The following MRPL28 variants were observed in gnomAD, a reference collection of about 807,000 sequenced individuals.
MRPL28 encodes the protein mitochondrial ribosomal protein L28, also known as large ribosomal subunit protein bL28m.
MRPL28 carries 25 observed loss-of-function variants against 26.2 expected under a neutral mutation model. The observed-to-expected ratio is 0.95, with a 90% CI of 0.69 to 1.33. The LOEUF (loss-of-function observed/expected upper bound fraction) is 1.33. MRPL28 is among the 40% of genes most tolerant of loss of function. The pLI is 0.00. For missense variants in MRPL28, 432 were observed against 327.2 expected, an observed-to-expected ratio of 1.32 and a Z score of -2.47; for synonymous variants, 227 against 140.1, an observed-to-expected ratio of 1.62 and a Z score of -4.38.
intron 2 of MRPL28, 76 bp from the exon 3 acceptor site, chr16:369,296 C>T: frequency 6.5e-7 from 1 of 1,543,672 alleles, no homozygotes; most frequent in Non-Finnish European, 8.8e-7. Flanking sequence ...CAACTGCCCT[C>T]ACCTCCCCCC....
chr16:368,316 TCA>T lies in MRPL28; in HGVS notation c.663+10_663+11del, dbSNP rs1323305674. 5 of 1,612,900 alleles carry T rather than the reference TCA, an allele frequency of 3.1e-6. No individual in the cohort carries two copies. The South Asian group carries it at 3.3e-5, about 11-fold the overall frequency. Reference sequence around the variant, plus strand: ...CTGGGCAGGCAGCATCGGCTGGTGCTCACACACTCACCTTCTCCTCCAAAAGT... The same window carrying T: ...CTGGGCAGGCAGCATCGGCTGGTGCTCACACTCACCTTCTCCTCCAAAAGT... On this transcript the variant is annotated intron_variant, in intron 5 of 5. Transcript: ENST00000199706.
intron 5 of MRPL28, 26 bp downstream of exon 5, chr16:368,302 G>A (rs1297849552): frequency 1.2e-6 from 2 of 1,610,542 alleles, no homozygotes; most frequent in African/African-American, 2.7e-5. Context: ...TGGGCAGGCA[G>A]CATCGGCTGG....
chr16:367,435 C>A lies in MRPL28; in HGVS notation c.*240G>T, dbSNP rs1202056525. The stretch of plus-strand genomic sequence containing the variant: ...TTACTCGCTCCCGGCCCCACGGGCA[C>A]AAGGAACACTGCCGCAAACGTCGGG... On this transcript the variant is annotated 3_prime_UTR_variant, in exon 6 of 6. Transcript: ENST00000199706. 1 of 714,426 alleles carries A rather than the reference C, an allele frequency of 1.4e-6. No individual in the cohort carries two copies. Among genetic ancestry groups the A allele is most frequent in the Non-Finnish European group, 2.6e-6 (1 of 382,972 alleles). The allele number at this position is 714,426 out of a possible 1,614,324, so 44.3% of individuals were successfully genotyped here. A position where few individuals can be genotyped will look rare whatever the true frequency, so the allele number is the denominator to read the frequency against.
At chr16:369,610 C>T in intron 2 of MRPL28, 1 of 716,880 alleles carries the variant, frequency 1.4e-6, no homozygotes, top group Non-Finnish European at 2.6e-6. Flanking sequence ...GCTCTGCTCG[C>T]CTCCCCCACC....
Position 369,062 on chromosome 16 carries a change from G to A in MRPL28, c.441+6C>T, listed in dbSNP as rs760887561. ...TGTGTGCACTGACTCGCCCCACCCC[G>A]CTTGCCTTGAGGATGTAAAAGTCGA... is the stretch of plus-strand genomic sequence containing the variant. On this transcript the variant is annotated splice_donor_region_variant and intron_variant, in intron 3 of 5. Transcript: ENST00000199706. 1.9e-5 allele frequency: 30 copies of A among 1,612,584 alleles called. No individual in the cohort carries two copies. The highest frequency in any genetic ancestry group is 6.7e-5 in the Admixed American group (4 of 59,950).
rs753317927 is a variant in MRPL28 at position 367,741 on chromosome 16, G to A, written c.705C>T (p.Ile235=). The A allele has an allele frequency of 1.2e-5, 20 of 1,613,736 alleles. No homozygotes were observed. The highest frequency in any genetic ancestry group is 4.0e-5 in the African/African-American group (3 of 74,934). ...PLFKIYVAEL[I]QQLQQQALSE... is the part of the protein sequence containing the mutation. ...ACAGTGCCTGCTGCTGCAGCTGCTG[G>A]ATCAGCTCCGCCACATAGATCTTGA... Residue 235 remains isoleucine (I), a synonymous_variant, in exon 6 of 6, where the codon ATC becomes ATT. Transcript: ENST00000199706.
In MRPL28 at chr16:368,329, T is replaced by G; in HGVS notation, c.662A>C (p.Lys221Thr). ...AIEKQRLLEE[K>T]DPVPLFKIYV... ...ATCGGCTGGTGCTCACACACTCACC[T>G]TCTCCTCCAAAAGTCTCTGCTTCTC... Residue 221 changes from lysine to threonine, a missense_variant and splice_region_variant, in exon 5 of 6, where the codon AAG (lysine) becomes ACG (threonine). By Grantham distance (78) the Lys-to-Thr change is moderately conservative. Transcript: ENST00000199706. The G allele has an allele frequency of 6.2e-7, 1 of 1,613,334 alleles. No individual in the cohort carries two copies. The highest frequency in any genetic ancestry group is 8.5e-7 in the Non-Finnish European group (1 of 1,179,890).
chr16:368,258 G>A, intron 5 of MRPL28, 70 bp downstream of exon 5: 1 of 1,555,914 alleles, frequency 6.4e-7, no homozygotes, highest in Non-Finnish European at 8.9e-7. Context: ...CTCTCTCCAA[G>A]GCAGCACACT....
In MRPL28 at chr16:368,630, C is replaced by A. The variant is rs143007789; in HGVS notation, c.447G>T (p.Pro149=). ...CAAACTTGGAGCACAGGTCCTCCTT[C>A]GGGGTCTGGCAGAAGGCTCACATGG... ...YGLDFYILKT[P]KEDLCSKFGM... The change falls in exon 4 of 6, where the codon CCG becomes CCT. Residue 149 remains proline, a synonymous_variant. Transcript: ENST00000199706. 3.2e-6 allele frequency: 5 copies of A among 1,552,858 alleles called. No homozygotes were observed. The Admixed American group carries it at 7.5e-5, about 23-fold the overall frequency.
In MRPL28 at chr16:369,941, T is replaced by C. The variant is rs765162879; in HGVS notation, c.278A>G (p.Asn93Ser). Residue 93 changes from asparagine (N) to serine (S), a missense_variant, in exon 2 of 6, where the codon AAC becomes AGC. Coordinates refer to ENST00000199706, the MANE Select transcript of MRPL28 (RefSeq NM_006428.5). Reference sequence around the variant, plus strand: ...CGCCTGCGGACCCACCTTGTCGTTGTTGGCATATATTTGGCCCAGGATCCA... The same window carrying C: ...CGCCTGCGGACCCACCTTGTCGTTGCTGGCATATATTTGGCCCAGGATCCA... ...EGWILGQIYA[N>S]NDKLSKRLKK... The C allele has an allele frequency of 1.9e-6, 3 of 1,610,438 alleles. No individual in the cohort carries two copies. The highest frequency in any genetic ancestry group is 1.1e-5 in the South Asian group (1 of 91,060).
chr16:370,305 C>T lies in MRPL28; in HGVS notation c.-7-80G>A. 3 of 1,383,792 alleles carry T rather than the reference C, an allele frequency of 2.2e-6. 1 individual carries two copies. The highest frequency in any genetic ancestry group is 2.9e-5 in the African/African-American group (2 of 67,902). 85.7% of individuals were successfully genotyped at this position (1,383,792 alleles called of 1,614,324 possible). On this transcript the variant is annotated intron_variant, in intron 1 of 5. Coordinates refer to ENST00000199706, the MANE Select transcript of MRPL28 (RefSeq NM_006428.5). ...TCACCCCCTACCCCGGCCCCCGACT[C>T]TCACCCGCTACCCCGGCCCCCGGCT...
In MRPL28 at chr16:368,553, T is replaced by C. The variant is rs968233268; in HGVS notation, c.524A>G (p.Gln175Arg). The C allele has an allele frequency of 8.1e-6, 13 of 1,595,660 alleles. No homozygotes were observed. The highest frequency in any genetic ancestry group is 3.3e-4 in the Middle Eastern group (2 of 5,992). The change falls in exon 4 of 6, where the codon CAG becomes CGG. Residue 175 changes from glutamine (Q) to arginine (R), a missense_variant. Coordinates refer to ENST00000199706, the MANE Select transcript of MRPL28 (RefSeq NM_006428.5). The part of the protein sequence containing the change: ...MLLRLARQDP[Q>R]LHPEDPERRA... ...CCGCTCGGGGTCCTCGGGGTGCAGCTGGGGGTCCTGCCGGGCAAGCCGCAG... is the reference window on the plus strand; with the variant it reads ...CCGCTCGGGGTCCTCGGGGTGCAGCCGGGGGTCCTGCCGGGCAAGCCGCAG...
intron 5 of MRPL28, among the ~76,000 whole-genome samples, chr16:368,023 C>T (rs928161842): frequency 1.3e-4 from 20 of 152,250 alleles, no homozygotes; most frequent in African/African-American, 4.8e-4. Flanking sequence ...AGCTGCCATG[C>T]CATCAGGGGC....
chr16:368,163 G>A (rs920773965), intron 5 of MRPL28, among the ~76,000 whole-genome samples, 165 bp downstream of exon 5: 3 of 152,202 alleles, frequency 2.0e-5, no homozygotes, highest in Admixed American at 1.3e-4. Context: ...TGGAGGGGAG[G>A]GAGCGGGCCA....
chr16:368,591 C>G lies in MRPL28; in HGVS notation c.486G>C (p.Lys162Asn). 1.3e-6 allele frequency: 2 copies of G among 1,594,420 alleles called. No homozygotes were observed. The highest frequency in any genetic ancestry group is 1.7e-6 in the Non-Finnish European group (2 of 1,167,846). The change falls in exon 4 of 6, where the codon AAG (lysine) becomes AAC (asparagine). Residue 162 changes from lysine to asparagine, a missense_variant. Coordinates refer to ENST00000199706, the MANE Select transcript of MRPL28 (RefSeq NM_006428.5). Reference protein sequence around the residue: ...DLCSKFGMDLKRGMLLRLARQ... With the variant: ...DLCSKFGMDLNRGMLLRLARQ... The stretch of plus-strand genomic sequence containing the variant: ...GGGCAAGCCGCAGCAGCATCCCTCG[C>G]TTCAGGTCCATCCCAAACTTGGAGC...
rs781034003 is a variant in MRPL28 at position 370,154 on chromosome 16, G to A, written c.65C>T (p.Ser22Phe). 3 of 1,602,470 alleles carry A rather than the reference G, an allele frequency of 1.9e-6. No individual in the cohort carries two copies. The highest frequency in any genetic ancestry group is 1.7e-5 in the Admixed American group (1 of 58,950). Residue 22 changes from serine to phenylalanine, a missense_variant, in exon 2 of 6, where the codon TCC becomes TTC. Transcript: ENST00000199706. The stretch of plus-strand genomic sequence containing the variant: ...GCGCAGGTAGTGGCCGGGCAGGCGG[G>A]AACAGATGCCCTCCCGCAGCTGCAG... ...KRLQLREGIC[S>F]RLPGHYLRSL...
In MRPL28 at chr16:368,530, G is replaced by T; in HGVS notation, c.547C>A (p.Arg183=). ...TACTTGTCGTAGATGGCTGCCCGCC[G>T]CTCGGGGTCCTCGGGGTGCAGCTGG... ...DPQLHPEDPE[R]RAAIYDKYKE... is the part of the protein sequence containing the mutation. Residue 183 remains arginine, a synonymous_variant, in exon 4 of 6, where the codon CGG becomes AGG. Coordinates refer to ENST00000199706, the MANE Select transcript of MRPL28 (RefSeq NM_006428.5). The T allele has an allele frequency of 6.3e-7, 1 of 1,594,932 alleles. No homozygotes were observed.
intron 3 of MRPL28, 198 bp downstream of exon 3, chr16:368,870 A>G (rs756076190): frequency 1.5e-4 from 147 of 976,546 alleles, no homozygotes; most frequent in Non-Finnish European, 2.1e-4. Context: ...TCAGCCACCC[A>G]CAGAGCGACA....
intron 2 of MRPL28, chr16:369,594 C>A (rs992026791): frequency 5.6e-6 from 4 of 717,624 alleles, no homozygotes; most frequent in Non-Finnish European, 1.0e-5. Flanking sequence ...CACAAGCAGC[C>A]TCGAAGCTCT....
Sources: gnomAD v4.1 joint callset for allele counts (sites outside exome capture counted in the v4.1 genomes callset) on GRCh38, gnomAD v4.1.1 for gene constraint, MANE v1.5 for transcripts, NCBI Gene and HGNC (gene_info 2026-07-23, HGNC 2026-07-21) for gene names.